Variants in ATAD1 observed in about 807,000 individuals in gnomAD.
The protein encoded by ATAD1 is outer mitochondrial transmembrane helix translocase.
A neutral mutation model predicts 42.7 loss-of-function variants in ATAD1; 18 were observed. The ratio of observed to expected loss-of-function variants is 0.42; its 90% confidence interval spans 0.29 to 0.63. ATAD1 has a LOEUF of 0.63. Among genes scored for constraint, ATAD1 ranks in the 20% least tolerant of loss-of-function variants. The pLI, the probability that ATAD1 is intolerant of heterozygous loss-of-function variation, is 0.19. For synonymous variants in ATAD1, 132 were observed against 143.1 expected, an observed-to-expected ratio of 0.92 and a Z score of 0.55; for missense variants, 294 against 440.4, an observed-to-expected ratio of 0.67 and a Z score of 2.98.
intron 7 of ATAD1, among the ~76,000 whole-genome samples, chr10:87,768,512 T>TA (rs1854873665): frequency 6.6e-6 from 1 of 152,208 alleles, no homozygotes; most frequent in Non-Finnish European, 1.5e-5. Context: ...AATACTCTGT[T>TA]AAACATTTCA....
chr10:87,826,014 G>T (rs1857722209), intron 1 of ATAD1, among the ~76,000 whole-genome samples: 2 of 152,312 alleles, frequency 1.3e-5, no homozygotes, highest in South Asian at 2.1e-4. Context: ...AAAGCTGGCT[G>T]ATTTTACGTG....
intron 6 of ATAD1, among the ~76,000 whole-genome samples, chr10:87,771,881 A>G (rs1316299369): frequency 6.6e-6 from 1 of 152,210 alleles, no homozygotes; most frequent in Non-Finnish European, 1.5e-5. Context: ...GTAACAATAC[A>G]CATCTGCTAT....
intron 2 of ATAD1, among the ~76,000 whole-genome samples, chr10:87,793,638 A>T (rs745833375): frequency 3.9e-5 from 6 of 152,184 alleles, no homozygotes; most frequent in Admixed American, 1.3e-4. Flanking sequence ...ACTACCACAC[A>T]TATTTGCCCT....
intron 8 of ATAD1, among the ~76,000 whole-genome samples, chr10:87,757,716 T>C (rs1423654073): frequency 6.6e-6 from 1 of 152,192 alleles, no homozygotes; most frequent in Non-Finnish European, 1.5e-5. Flanking sequence ...TACAGCAACA[T>C]TTACTTTCCC....
chr10:87,775,616 T>C (rs140244934), intron 6 of ATAD1, among the ~76,000 whole-genome samples: 14 of 151,688 alleles, frequency 9.2e-5, no homozygotes, highest in African/African-American at 2.9e-4. Flanking sequence ...TTAACTTTCT[T>C]TTAAACCACT....
chr10:87,829,190 G>A (rs920669453), intron 1 of ATAD1, among the ~76,000 whole-genome samples: 1 of 151,852 alleles, frequency 6.6e-6, no homozygotes, highest in African/African-American at 2.4e-5. Flanking sequence ...GGAATCTGGG[G>A]ACAGTAAATT....
At chr10:87,799,927 T>C (rs1856603232) in intron 2 of ATAD1, among the ~76,000 whole-genome samples, 1 of 151,376 alleles carries the variant, frequency 6.6e-6, no homozygotes, top group Non-Finnish European at 1.5e-5. Flanking sequence ...ATAAAGAGGG[T>C]TGTTTTGGTA....
chr10:87,826,580 G>A (rs1177211852), intron 1 of ATAD1, among the ~76,000 whole-genome samples: 2 of 152,208 alleles, frequency 1.3e-5, no homozygotes, highest in Admixed American at 6.5e-5. Flanking sequence ...TTAGAATTCT[G>A]TCCAGATATT....
At chr10:87,759,606 T>C (rs1854387765) in intron 8 of ATAD1, 6 of 324,384 alleles carry the variant, frequency 1.8e-5, no homozygotes, top group Middle Eastern at 4.0e-4. Flanking sequence ...GATAAGATGA[T>C]ACAGTTAGAA....
chr10:87,754,644 C>T lies in ATAD1; in HGVS notation c.*43G>A. ...CTATTTCCACTAACTGATAAGAGGA[C>T]ACACCAAACTAGATCACTGAACTGT... On this transcript the variant is annotated 3_prime_UTR_variant, in exon 10 of 10. Coordinates refer to ENST00000680024, the MANE Select transcript of ATAD1 (RefSeq NM_001321967.2). 4 of 1,578,676 alleles carry T rather than the reference C, an allele frequency of 2.5e-6. No individual in the cohort carries two copies. Among genetic ancestry groups the T allele is most frequent in the Non-Finnish European group, 3.5e-6 (4 of 1,157,420 alleles).
intron 8 of ATAD1, among the ~76,000 whole-genome samples, chr10:87,764,433 G>A (rs1481024802): frequency 6.6e-6 from 1 of 152,132 alleles, no homozygotes; most frequent in African/African-American, 2.4e-5. Flanking sequence ...CTGTACTCCA[G>A]CTTGGGTGAC....
At chr10:87,795,683 T>C (rs1335153328) in intron 2 of ATAD1, among the ~76,000 whole-genome samples, 1 of 152,134 alleles carries the variant, frequency 6.6e-6, no homozygotes, top group Admixed American at 6.5e-5. Flanking sequence ...CAAAGTATTA[T>C]TTTTTCAAAA....
chr10:87,758,649 T>C (rs906013343), intron 8 of ATAD1, among the ~76,000 whole-genome samples: 3 of 152,152 alleles, frequency 2.0e-5, no homozygotes, highest in Non-Finnish European at 2.9e-5. Flanking sequence ...AGTAAAAGAC[T>C]GAAAGACATC....
chr10:87,837,170 T>C (rs1035156807), intron 1 of ATAD1, among the ~76,000 whole-genome samples: 1 of 152,202 alleles, frequency 6.6e-6, no homozygotes, highest in Admixed American at 6.5e-5. Flanking sequence ...TTTTCCTAGG[T>C]GAGCTGAGAT....
At chr10:87,763,210 A>T (rs572439100) in intron 8 of ATAD1, among the ~76,000 whole-genome samples, 137 of 152,066 alleles carry the variant, frequency 9.0e-4, no homozygotes, top group Non-Finnish European at 1.5e-3. Flanking sequence ...TTTCATGTAC[A>T]TACGTAGCTT....
At chr10:87,791,309 T>A (rs1249203779) in intron 3 of ATAD1, among the ~76,000 whole-genome samples, 1 of 152,060 alleles carries the variant, frequency 6.6e-6, no homozygotes, top group African/African-American at 2.4e-5. Flanking sequence ...AAAACCTGAT[T>A]CAACTTGTCC....
rs559227359 is a variant in ATAD1 at position 87,753,787 on chromosome 10, T to C, written c.*900A>G. ...ACCTTAAAATAATATTTAAGAAACA[T>C]AGTTACAACAGACATGTTACATTAA... On this transcript the variant is annotated 3_prime_UTR_variant, in exon 10 of 10. Transcript: ENST00000680024. 2 of 152,694 alleles carry C rather than the reference T, an allele frequency of 1.3e-5. No homozygotes were observed. Among genetic ancestry groups the C allele is most frequent in the South Asian group, 2.1e-4 (1 of 4,828 alleles). The allele number at this position is 152,694 out of a possible 1,614,324, so 9.5% of individuals were successfully genotyped here. A position where few individuals can be genotyped will look rare whatever the true frequency, so the allele number is the denominator to read the frequency against.
intron 1 of ATAD1, among the ~76,000 whole-genome samples, chr10:87,823,361 A>G (rs536452185): frequency 6.6e-6 from 1 of 152,258 alleles, no homozygotes; most frequent in South Asian, 2.1e-4. Flanking sequence ...AACCTACAAT[A>G]TTTTATTTAG....
chr10:87,798,547 T>A (rs1359840177), intron 2 of ATAD1, among the ~76,000 whole-genome samples: 1 of 149,882 alleles, frequency 6.7e-6, no homozygotes, highest in Non-Finnish European at 1.5e-5. Context: ...ATCTAACAGG[T>A]TTTTTGTGTT....
Sources: gnomAD v4.1 joint callset for allele counts (sites outside exome capture counted in the v4.1 genomes callset) on GRCh38, gnomAD v4.1.1 for gene constraint, MANE v1.5 for transcripts, NCBI Gene and HGNC (gene_info 2026-07-23, HGNC 2026-07-21) for gene names.